Variants in FSTL4 observed in about 807,000 individuals in gnomAD.
FSTL4 encodes follistatin like 4, also known as follistatin-related protein 4.
A neutral mutation model predicts 78.2 loss-of-function variants in FSTL4; 28 were observed. That is an observed-to-expected ratio of 0.36 (90% CI 0.27 to 0.49). FSTL4 has a LOEUF of 0.49. Ranked by LOEUF, FSTL4 falls within the 20% of genes least tolerant of loss-of-function variation. The probability of loss-of-function intolerance (pLI) is 0.98; values close to 1 mark genes in which losing one functional copy is unlikely to be tolerated. For synonymous variants in FSTL4, 422 were observed against 440.5 expected (o/e 0.96, Z 0.53); for missense variants, 922 against 1,084.9 (o/e 0.85, Z 2.11).
the FSTL4 span, among the ~76,000 whole-genome samples, chr5:133,665,553 C>T: frequency 9.2e-5 from 14 of 152,264 alleles, no homozygotes; most frequent in South Asian, 6.2e-4. Flanking sequence ...ACTTTCTCAG[C>T]ACCCAGATAT....
intron 4 of FSTL4, among the ~76,000 whole-genome samples, chr5:133,355,598 G>A (rs925753971): frequency 1.3e-5 from 2 of 152,228 alleles, no homozygotes; most frequent in South Asian, 4.1e-4. Context: ...GGAGGTTGTG[G>A]TGAGTCGAGA....
chr5:133,490,059 G>T (rs1392913829), intron 3 of FSTL4, among the ~76,000 whole-genome samples: 1 of 151,830 alleles, frequency 6.6e-6, no homozygotes, highest in African/African-American at 2.4e-5. Context: ...TCAGTTTCTT[G>T]CCTTTATAAA....
intron 1 of FSTL4, among the ~76,000 whole-genome samples, chr5:133,608,777 C>T (rs192045395): frequency 5.6e-4 from 85 of 152,336 alleles, no homozygotes; most frequent in Non-Finnish European, 1.0e-3. Context: ...CAAATACTGA[C>T]TTGCTTTTTG....
intron 4 of FSTL4, among the ~76,000 whole-genome samples, chr5:133,326,476 A>G (rs1045430219): frequency 6.6e-6 from 1 of 152,290 alleles, no homozygotes; most frequent in Non-Finnish European, 1.5e-5. Flanking sequence ...CCCTTCTCTC[A>G]GCACCCTGTG....
At chr5:133,757,742 C>T in the FSTL4 span, among the ~76,000 whole-genome samples, 1 of 152,152 alleles carries the variant, frequency 6.6e-6, no homozygotes, top group African/African-American at 2.4e-5. Flanking sequence ...ACACCCGAGG[C>T]TCTTCTAGTT....
At chr5:133,282,009 A>C (rs1753020289) in intron 6 of FSTL4, among the ~76,000 whole-genome samples, 2 of 152,162 alleles carry the variant, frequency 1.3e-5, no homozygotes, top group Non-Finnish European at 2.9e-5. Context: ...TTTTCCCCGA[A>C]GCATGAATTC....
the FSTL4 span, among the ~76,000 whole-genome samples, chr5:133,739,895 C>CTTT: frequency 7.2e-6 from 1 of 138,424 alleles, no homozygotes; most frequent in Non-Finnish European, 1.6e-5. Context: ...TAAGCTCTGT[C>CTTT]TTTTTTTTTT....
At chr5:133,421,167 C>G (rs967498301) in intron 3 of FSTL4, among the ~76,000 whole-genome samples, 1 of 152,214 alleles carries the variant, frequency 6.6e-6, no homozygotes, top group African/African-American at 2.4e-5. Flanking sequence ...TGGGCCCACA[C>G]CACCAGGCAT....
chr5:133,588,166 TA>T (rs1760548002), intron 2 of FSTL4, among the ~76,000 whole-genome samples: 1 of 121,494 alleles, frequency 8.2e-6, no homozygotes, highest in African/African-American at 2.7e-5. Flanking sequence ...ACGTTAGACC[TA>T]AAACCATAAA....
the FSTL4 span, among the ~76,000 whole-genome samples, chr5:133,786,640 A>G: frequency 2.0e-5 from 3 of 152,192 alleles, no homozygotes; most frequent in African/African-American, 7.2e-5. Flanking sequence ...GGGAGGGGGA[A>G]TTCCCAAGAC....
intron 4 of FSTL4, among the ~76,000 whole-genome samples, chr5:133,318,607 G>A (rs1753966941): frequency 6.6e-6 from 1 of 152,218 alleles, no homozygotes; most frequent in Admixed American, 6.5e-5. Flanking sequence ...ACTTCCTGGA[G>A]TGGGGGGCAT....
chr5:133,730,051 G>A, the FSTL4 span, among the ~76,000 whole-genome samples: 5 of 152,228 alleles, frequency 3.3e-5, no homozygotes, highest in Admixed American at 2.0e-4. Context: ...CCACTTCTCA[G>A]ATAGTTGACT....
chr5:133,637,010 G>C, the FSTL4 span, among the ~76,000 whole-genome samples: 1 of 152,120 alleles, frequency 6.6e-6, no homozygotes, highest in Non-Finnish European at 1.5e-5. Context: ...TGGCTGGAGT[G>C]GAAGCATAAG....
At position 133,566,266 on chromosome 5, in the gene FSTL4, A is replaced by T. The variant is rs256334; in HGVS notation, c.160+920T>A. On this transcript the variant is annotated intron_variant, in intron 3 of 15. Transcript: ENST00000265342. ...CCAGGCATGAATATCCATGTATCAAAGCATGTTGATAACATAGCCATTCTA... is the reference window on the plus strand; with the variant it reads ...CCAGGCATGAATATCCATGTATCAATGCATGTTGATAACATAGCCATTCTA... 9.6e-3 allele frequency among the ~76,000 whole-genome samples: 1,459 copies of T among 152,116 alleles called. 14 individuals are homozygous for T. The highest frequency in any genetic ancestry group is 0.048 in the Middle Eastern group (14 of 294).
At chr5:133,432,980 CAA>C (rs2126997281) in intron 3 of FSTL4, among the ~76,000 whole-genome samples, 1 of 152,314 alleles carries the variant, frequency 6.6e-6, no homozygotes, top group Non-Finnish European at 1.5e-5. Context: ...AAATGGCTTA[CAA>C]AGAGAGTGCA....
intron 4 of FSTL4, among the ~76,000 whole-genome samples, chr5:133,398,567 G>T (rs1345763959): frequency 6.6e-6 from 1 of 152,154 alleles, no homozygotes; most frequent in Non-Finnish European, 1.5e-5. Flanking sequence ...TCGGCCTGTG[G>T]CCACGCTGGA....
the FSTL4 span, among the ~76,000 whole-genome samples, chr5:133,649,407 A>G: frequency 6.6e-6 from 1 of 152,266 alleles, no homozygotes; most frequent in South Asian, 2.1e-4. Context: ...TTATGGTAAA[A>G]GTTTTTTTAA....
chr5:133,830,777 C>T, the FSTL4 span, among the ~76,000 whole-genome samples: 31 of 152,260 alleles, frequency 2.0e-4, no homozygotes, highest in Middle Eastern at 3.4e-3. Context: ...CCAGACTCCG[C>T]GGCACAGCCT....
At chr5:133,659,973 CAG>C in the FSTL4 span, among the ~76,000 whole-genome samples, 2 of 152,098 alleles carry the variant, frequency 1.3e-5, no homozygotes, top group Non-Finnish European at 2.9e-5. Context: ...CAAAAAGAGA[CAG>C]AGAGAAATAA....
Sources: allele counts gnomAD v4.1 joint callset (sites outside exome capture counted in the v4.1 genomes callset), GRCh38; gene constraint gnomAD v4.1.1; transcripts MANE v1.5; gene names NCBI Gene and HGNC (gene_info 2026-07-23, HGNC 2026-07-21).